TTC7A: variants seen among roughly 807,000 people sequenced by gnomAD.
TTC7A encodes tetratricopeptide repeat protein 7A.
A neutral mutation model predicts 103.7 loss-of-function variants in TTC7A; 110 were observed. That is an observed-to-expected ratio of 1.06 (90% CI 0.91 to 1.24). The LOEUF (loss-of-function observed/expected upper bound fraction) is 1.24. Ranked by LOEUF, TTC7A falls within the 50% of genes most tolerant of loss-of-function variation. The pLI, the probability that TTC7A is intolerant of heterozygous loss-of-function variation, is 0.00. For missense variants in TTC7A, 1,340 were observed against 1,116.3 expected (o/e 1.20, Z -2.86); for synonymous variants, 521 against 467.9 (o/e 1.11, Z -1.47).
In TTC7A at chr2:46,961,013, T is replaced by G. The variant is rs145668602; in HGVS notation, c.517+4006T>G. On this transcript the variant is annotated intron_variant, in intron 3 of 19. Coordinates refer to ENST00000319190, the MANE Select transcript of TTC7A (RefSeq NM_020458.4). ...GACGAGTTGTTCAGAAAATTTGCTTTTATATTTCAACCTAACATCCATCAA... is the reference window on the plus strand; with the variant it reads ...GACGAGTTGTTCAGAAAATTTGCTTGTATATTTCAACCTAACATCCATCAA... 7.2e-5 allele frequency among the ~76,000 whole-genome samples: 11 copies of G among 152,332 alleles called. No homozygotes were observed. The South Asian group carries it at 1.0e-3, about 14-fold the overall frequency.
At chr2:47,009,742 G>A (rs1677823053) in intron 10 of TTC7A, among the ~76,000 whole-genome samples, 1 of 152,124 alleles carries the variant, frequency 6.6e-6, no homozygotes, top group Non-Finnish European at 1.5e-5. Context: ...TTGGCCCACA[G>A]TAGGGCCCAG....
At chr2:47,022,009 T>G (rs777945057) in intron 12 of TTC7A, 30 bp downstream of exon 12, 9 of 1,543,996 alleles carry the variant, frequency 5.8e-6, no homozygotes, top group Non-Finnish European at 8.0e-6. Flanking sequence ...AGGCCTCTAC[T>G]TGGGGATGGC....
upstream of TTC7A, among the ~76,000 whole-genome samples, chr2:46,939,084 T>C (rs2103869568): frequency 6.6e-6 from 1 of 151,626 alleles, no homozygotes; most frequent in Non-Finnish European, 1.5e-5. Context: ...AAGACCAGCC[T>C]GGGCAACACA....
intron 3 of TTC7A, among the ~76,000 whole-genome samples, chr2:46,964,198 G>C (rs1672636139): frequency 6.6e-6 from 1 of 152,208 alleles, no homozygotes; most frequent in Non-Finnish European, 1.5e-5. Flanking sequence ...AGGCGAGCTG[G>C]GTGGTGAGCC....
chr2:47,059,286 G>T (rs1558639615), intron 18 of TTC7A, among the ~76,000 whole-genome samples: 1 of 151,960 alleles, frequency 6.6e-6, no homozygotes, highest in African/African-American at 2.4e-5. Context: ...CTCCCAAAGT[G>T]CTGGGACTAC....
chr2:46,983,499 A>G (rs935021837), intron 5 of TTC7A, among the ~76,000 whole-genome samples: 6 of 152,132 alleles, frequency 3.9e-5, no homozygotes, highest in African/African-American at 1.2e-4. Flanking sequence ...GCTCCCAGGG[A>G]TGAGTCTGGG....
chr2:47,017,816 T>C (rs1678834512), intron 11 of TTC7A, among the ~76,000 whole-genome samples: 1 of 152,076 alleles, frequency 6.6e-6, no homozygotes. Flanking sequence ...ACTTCCCAAT[T>C]TGTCATGTAG....
At position 47,049,949 on chromosome 2, in the gene TTC7A, A is replaced by C. The variant is rs773488245; in HGVS notation, c.1920A>C (p.Gly640=). The C allele has an allele frequency of 6.2e-7, 1 of 1,613,840 alleles. No homozygotes were observed. Among genetic ancestry groups the C allele is most frequent in the Non-Finnish European group, 8.5e-7 (1 of 1,179,820 alleles). The change falls in exon 17 of 20, where the codon GGA becomes GGC. Residue 640 remains glycine, a splice_region_variant and synonymous_variant. Coordinates refer to ENST00000319190, the MANE Select transcript of TTC7A (RefSeq NM_020458.4). ...ACCCTGGCCCTCTTTTGCCTTCCAGAGGCCTAGAAAAGGATGGCAGCTTCG... is the reference window on the plus strand; with the variant it reads ...ACCCTGGCCCTCTTTTGCCTTCCAGCGGCCTAGAAAAGGATGGCAGCTTCG... The part of the protein sequence containing the change: ...WQTLYSFSQL[G]GLEKDGSFGE...
intron 19 of TTC7A, chr2:47,068,321 G>A (rs1684354292): frequency 6.6e-6 from 1 of 152,152 alleles, no homozygotes; most frequent in Non-Finnish European, 1.5e-5. Flanking sequence ...TGCTGCTTAT[G>A]CCCCATGTCT....
intron 2 of TTC7A, among the ~76,000 whole-genome samples, chr2:46,955,859 G>T (rs898883348): frequency 3.3e-5 from 5 of 152,226 alleles, no homozygotes; most frequent in African/African-American, 9.6e-5. Context: ...GGAGTTTTAT[G>T]GACAGATTGG....
chr2:47,070,317 C>T (rs1244087132), intron 19 of TTC7A, among the ~76,000 whole-genome samples: 1 of 152,270 alleles, frequency 6.6e-6, no homozygotes, highest in Non-Finnish European at 1.5e-5. Flanking sequence ...ACCTTAGGCC[C>T]CTTAGGTTCT....
In TTC7A at chr2:46,974,963, C is replaced by A. The variant is rs201534336; in HGVS notation, c.518-10C>A. 4.8e-5 allele frequency: 77 copies of A among 1,612,722 alleles called. No individual in the cohort carries two copies. The highest frequency in any genetic ancestry group is 6.4e-5 in the Non-Finnish European group (76 of 1,179,446). ...CAGGACAGGTCTGAGGCACCCTCTT[C>A]CTCCCGCAGGCCTCTCTCTGGAACG... On this transcript the variant is annotated splice_polypyrimidine_tract_variant and intron_variant, in intron 3 of 19. Coordinates refer to ENST00000319190, the MANE Select transcript of TTC7A (RefSeq NM_020458.4).
At chr2:47,066,984 C>T (rs1297613804) in intron 19 of TTC7A, among the ~76,000 whole-genome samples, 4 of 152,198 alleles carry the variant, frequency 2.6e-5, no homozygotes, top group African/African-American at 9.6e-5. Context: ...GCTGCCTCAT[C>T]CCATGGCGGA....
intron 11 of TTC7A, among the ~76,000 whole-genome samples, chr2:47,020,161 G>A (rs1679117353): frequency 6.6e-6 from 1 of 152,182 alleles, no homozygotes; most frequent in Admixed American, 6.5e-5. Flanking sequence ...TGGGGAGCGG[G>A]GAGGAGCGGG....
Position 47,006,056 on chromosome 2 carries a change from G to A in TTC7A, c.1200G>A (p.Ser400=), listed in dbSNP as rs762949675. The part of the protein sequence containing the change: ...LGRRGQYVML[S]ECLERAMKFA... ...GAAGGGGACAGTACGTCATGCTCTC[G>A]GAGGTACGGCCGGCCATGCAGCCCA... The change falls in exon 9 of 20, where the codon TCG becomes TCA. Residue 400 remains serine, a synonymous_variant. Coordinates refer to ENST00000319190, the MANE Select transcript of TTC7A (RefSeq NM_020458.4). 3.1e-6 allele frequency: 5 copies of A among 1,613,022 alleles called. No individual in the cohort carries two copies. The highest frequency in any genetic ancestry group is 1.7e-5 in the Admixed American group (1 of 59,986).
At chr2:46,931,048 C>G (rs564635267) in intron 2 of TTC7A, among the ~76,000 whole-genome samples, 15 of 152,254 alleles carry the variant, frequency 9.9e-5, no homozygotes, top group Non-Finnish European at 2.1e-4. Flanking sequence ...ATTAGCAATT[C>G]AAATCAAACA....
In TTC7A at chr2:47,005,233, A is replaced by AG. The variant is rs534817145; in HGVS notation, c.1066-681dup. On this transcript the variant is annotated intron_variant, in intron 8 of 19. Coordinates refer to ENST00000319190, the MANE Select transcript of TTC7A (RefSeq NM_020458.4). Reference sequence around the variant, plus strand: ...CCGGGCTGGACACAGAGAGGAAGGGAGGGGGGGGCTCTGGGAATGTCGTTG... The same window carrying AG: ...CCGGGCTGGACACAGAGAGGAAGGGAGGGGGGGGGCTCTGGGAATGTCGTTG... Among the ~76,000 whole-genome samples, 196 of 149,912 alleles carry AG rather than the reference A, an allele frequency of 1.3e-3. 1 individual carries two copies. Among genetic ancestry groups the AG allele is most frequent in the African/African-American group, 4.0e-3 (165 of 40,844 alleles).
chr2:47,054,751 C>T (rs1333231735), intron 18 of TTC7A, among the ~76,000 whole-genome samples: 3 of 151,436 alleles, frequency 2.0e-5, no homozygotes, highest in East Asian at 3.9e-4. Context: ...GGGAGGATCA[C>T]TTGAGCCTAG....
chr2:47,074,038 T>A lies in TTC7A; in HGVS notation c.*115T>A. On this transcript the variant is annotated 3_prime_UTR_variant, in exon 20 of 20. Coordinates refer to ENST00000319190, the MANE Select transcript of TTC7A (RefSeq NM_020458.4). ...GCGGGGCCTCAGGGAAATACATCTT[T>A]AGTGAACGCCTCTGCAGCTGCAGCC... The A allele has an allele frequency of 1.3e-6, 1 of 747,708 alleles. No individual in the cohort carries two copies. The highest frequency in any genetic ancestry group is 2.2e-6 in the Non-Finnish European group (1 of 462,240). The allele number at this position is 747,708 out of a possible 1,614,324, so 46.3% of individuals were successfully genotyped here.
Sources: gnomAD v4.1 joint callset for allele counts (sites outside exome capture counted in the v4.1 genomes callset) on GRCh38, gnomAD v4.1.1 for gene constraint, MANE v1.5 for transcripts, NCBI Gene and HGNC (gene_info 2026-07-23, HGNC 2026-07-21) for gene names.